R3HCC1L: variants seen among roughly 807,000 people sequenced by gnomAD.
The protein encoded by R3HCC1L is coiled-coil domain-containing protein R3HCC1L.
In R3HCC1L, 51 loss-of-function variants were observed where a neutral mutation model predicts 59.9. The ratio of observed to expected loss-of-function variants is 0.85; its 90% CI spans 0.68 to 1.07. The LOEUF (loss-of-function observed/expected upper bound fraction) is 1.07. Ranked by LOEUF, R3HCC1L falls within the 50% of genes least tolerant of loss-of-function variation. The pLI, the probability that R3HCC1L is intolerant of heterozygous loss-of-function variation, is 0.00. For missense variants in R3HCC1L, 965 were observed against 933.0 expected, an observed-to-expected ratio of 1.03 and a Z score of -0.45; for synonymous variants, 322 against 315.2, an observed-to-expected ratio of 1.02 and a Z score of -0.23.
At chr10:98,241,752 A>G (rs1399565470) in intron 9 of R3HCC1L, among the ~76,000 whole-genome samples, 1 of 152,160 alleles carries the variant, frequency 6.6e-6, no homozygotes, top group Non-Finnish European at 1.5e-5. Context: ...AGGATAGTAG[A>G]AAGTGTGCTG....
intron 5 of R3HCC1L, among the ~76,000 whole-genome samples, chr10:98,229,012 T>C (rs948651921): frequency 2.6e-5 from 4 of 152,226 alleles, no homozygotes; most frequent in Admixed American, 6.5e-5. Context: ...TGAAGTCAGG[T>C]AGTGTGATGC....
chr10:98,171,125 A>G (rs1474203577), intron 4 of R3HCC1L, among the ~76,000 whole-genome samples: 1 of 152,182 alleles, frequency 6.6e-6, no homozygotes, highest in Non-Finnish European at 1.5e-5. Context: ...AAGGATGAAA[A>G]CAGAATGTCT....
intron 5 of R3HCC1L, among the ~76,000 whole-genome samples, chr10:98,229,853 T>G (rs972696982): frequency 6.6e-6 from 1 of 152,142 alleles, no homozygotes; most frequent in East Asian, 1.9e-4. Context: ...TAGTTTTTGT[T>G]GTTGGTTCTG....
intron 4 of R3HCC1L, among the ~76,000 whole-genome samples, chr10:98,198,814 A>G (rs1037127755): frequency 2.0e-5 from 3 of 152,156 alleles, no homozygotes; most frequent in African/African-American, 7.2e-5. Context: ...AGCAGATTAT[A>G]TTTGTCCTGT....
At chr10:98,232,083 G>C (rs946540870) in intron 6 of R3HCC1L, among the ~76,000 whole-genome samples, 1 of 152,010 alleles carries the variant, frequency 6.6e-6, no homozygotes, top group Admixed American at 6.6e-5. Context: ...CGACTTCCTG[G>C]GCTCAAGCAA....
chr10:98,135,041 C>T (rs1278055879), intron 1 of R3HCC1L, among the ~76,000 whole-genome samples: 4 of 152,340 alleles, frequency 2.6e-5, no homozygotes, highest in South Asian at 2.1e-4. Flanking sequence ...AGCGGGGTCC[C>T]TGGTTACCCC....
intron 1 of R3HCC1L, among the ~76,000 whole-genome samples, chr10:98,142,039 G>A (rs1376333313): frequency 6.6e-6 from 1 of 152,174 alleles, no homozygotes; most frequent in African/African-American, 2.4e-5. Context: ...CCCTACTGCT[G>A]ATGGTGTTAT....
intron 8 of R3HCC1L, 79 bp from the exon 9 acceptor site, chr10:98,235,945 A>T: frequency 6.9e-7 from 1 of 1,448,316 alleles, no homozygotes; most frequent in South Asian, 1.2e-5. Context: ...TTGTATGTTA[A>T]TTACTGAGTT....
intron 1 of R3HCC1L, among the ~76,000 whole-genome samples, chr10:98,143,814 T>G (rs571666362): frequency 6.6e-6 from 1 of 152,330 alleles, no homozygotes; most frequent in African/African-American, 2.4e-5. Context: ...CATTACTTTG[T>G]AATTAAACAT....
rs755814993 is a variant in R3HCC1L, at chr10:98,134,679, G to C, written c.-295G>C. The C allele has an allele frequency of 6.6e-6, 1 of 152,314 alleles. No homozygotes were observed. The highest frequency in any genetic ancestry group is 2.1e-4 in the South Asian group (1 of 4,836). The allele number at this position is 152,314 out of a possible 1,614,324, so 9.4% of individuals were successfully genotyped here. Reference sequence around the variant, plus strand: ...GGAAGAGATAGAGCTTCGCGGAGACGGCGGAAGCGGAGAGCAACAGCGCGC... The same window carrying C: ...GGAAGAGATAGAGCTTCGCGGAGACCGCGGAAGCGGAGAGCAACAGCGCGC... On this transcript the variant is annotated 5_prime_UTR_variant, in exon 1 of 10. Transcript: ENST00000298999.
chr10:98,197,098 T>G (rs1198120286), intron 4 of R3HCC1L, among the ~76,000 whole-genome samples: 1 of 152,084 alleles, frequency 6.6e-6, no homozygotes, highest in Non-Finnish European at 1.5e-5. Context: ...TACAGGCGTG[T>G]GCCACCATGC....
In R3HCC1L at chr10:98,236,111, A is replaced by G; in HGVS notation, c.2216A>G (p.Lys739Arg). ...LVISALGVRS[K>R]QSKTEREAEL... The stretch of plus-strand genomic sequence containing the variant: ...ATCAGTGCCCTTGGGGTTCGAAGTA[A>G]GCAGAGCAAAACCGAACGAGAAGCA... The change falls in exon 9 of 10, where the codon AAG (lysine) becomes AGG (arginine). Residue 739 changes from lysine (K) to arginine (R), a missense_variant. Lys to Arg is a conservative substitution (Grantham distance 26). Coordinates refer to ENST00000298999, the MANE Select transcript of R3HCC1L (RefSeq NM_001351015.2). The G allele has an allele frequency of 6.2e-7, 1 of 1,614,034 alleles. No homozygotes were observed. Among genetic ancestry groups the G allele is most frequent in the Non-Finnish European group, 8.5e-7 (1 of 1,179,932 alleles).
intron 4 of R3HCC1L, among the ~76,000 whole-genome samples, chr10:98,176,991 G>A (rs960310967): frequency 1.3e-5 from 2 of 151,514 alleles, no homozygotes; most frequent in African/African-American, 4.8e-5. Context: ...CTTTTGTTAT[G>A]GCGAATTACA....
At chr10:98,193,264 A>G (rs1851051963) in intron 4 of R3HCC1L, among the ~76,000 whole-genome samples, 1 of 152,156 alleles carries the variant, frequency 6.6e-6, no homozygotes. Context: ...TAGAAATCCT[A>G]GCTAGAGCAG....
chr10:98,220,296 G>A (rs1311938540), intron 5 of R3HCC1L, among the ~76,000 whole-genome samples: 2 of 148,982 alleles, frequency 1.3e-5, no homozygotes, highest in South Asian at 4.3e-4. Flanking sequence ...TTATTTATCT[G>A]TGTTTTCTTG....
At chr10:98,230,683 A>G (rs886102523) in intron 5 of R3HCC1L, among the ~76,000 whole-genome samples, 1 of 152,158 alleles carries the variant, frequency 6.6e-6, no homozygotes, top group East Asian at 1.9e-4. Context: ...TGTCAATTTT[A>G]GATCTTTCCT....
At position 98,155,228 on chromosome 10, in the gene R3HCC1L, G is replaced by A. The variant is rs181953563; in HGVS notation, c.-267-865G>A. Among the ~76,000 whole-genome samples the A allele has an allele frequency of 9.8e-4, 149 of 152,306 alleles. 1 individual carries two copies. Among genetic ancestry groups the A allele is most frequent in the African/African-American group, 3.4e-3 (140 of 41,556 alleles). ...ACTTCCTAAAATAGATAAATGAGCA[G>A]ATTTAATTAAATGTGTTATTTGCAC... On this transcript the variant is annotated intron_variant, in intron 1 of 9. Coordinates refer to ENST00000298999, the MANE Select transcript of R3HCC1L (RefSeq NM_001351015.2).
chr10:98,226,524 G>A (rs531167732), intron 5 of R3HCC1L, among the ~76,000 whole-genome samples: 1 of 152,322 alleles, frequency 6.6e-6, no homozygotes, highest in East Asian at 1.9e-4. Context: ...TGCCTGGTTG[G>A]CAGAAAATTT....
intron 5 of R3HCC1L, among the ~76,000 whole-genome samples, chr10:98,217,064 A>C (rs960729606): frequency 1.3e-5 from 2 of 152,222 alleles, no homozygotes; most frequent in African/African-American, 4.8e-5. Context: ...TTGGTAAGGA[A>C]ATTGAAACTC....
Sources: gnomAD v4.1 joint callset for allele counts (sites outside exome capture counted in the v4.1 genomes callset) on GRCh38, gnomAD v4.1.1 for gene constraint, MANE v1.5 for transcripts, NCBI Gene and HGNC (gene_info 2026-07-23, HGNC 2026-07-21) for gene names.